Variants in CREB5 observed in about 807,000 individuals in gnomAD.
CREB5 encodes cyclic AMP-responsive element-binding protein 5.
In CREB5, 19 loss-of-function variants were observed where a neutral mutation model predicts 57.1. That is an observed-to-expected ratio of 0.33 (90% confidence interval 0.23 to 0.49). CREB5 has a LOEUF of 0.49. Among genes scored for constraint, CREB5 ranks in the 20% least tolerant of loss-of-function variants. The pLI is 0.99. For synonymous variants in CREB5, 238 were observed against 238.3 expected (o/e 1.00, Z 0.01); for missense variants, 579 against 671.6 (o/e 0.86, Z 1.52).
chr7:28,390,145 A>T (rs901105624), intron 1 of CREB5, among the ~76,000 whole-genome samples: 1 of 151,474 alleles, frequency 6.6e-6, no homozygotes, highest in African/African-American at 2.4e-5. Flanking sequence ...ACCATCGCTT[A>T]TTTGTCTTTT....
chr7:28,558,143 A>T (rs1355446948), intron 4 of CREB5, among the ~76,000 whole-genome samples: 1 of 152,224 alleles, frequency 6.6e-6, no homozygotes, highest in Non-Finnish European at 1.5e-5. Context: ...TTAAATTCAG[A>T]TGTCATAAAA....
At chr7:28,718,410 G>C (rs1802821726) in intron 5 of CREB5, among the ~76,000 whole-genome samples, 1 of 152,240 alleles carries the variant, frequency 6.6e-6, no homozygotes, top group African/African-American at 2.4e-5. Flanking sequence ...AGACACTTCA[G>C]AGGGCTGAGA....
At position 28,819,388 on chromosome 7, in the gene CREB5, C is replaced by A; in HGVS notation, c.*109C>A. On this transcript the variant is annotated 3_prime_UTR_variant, in exon 11 of 11. Coordinates refer to ENST00000357727, the MANE Select transcript of CREB5 (RefSeq NM_182898.4). ...AGACCTGGAAGACTCCTCAGTTCTT[C>A]AAAGACTGGCTTTCATTTTTATAGT... The A allele has an allele frequency of 9.5e-7, 1 of 1,050,596 alleles. No homozygotes were observed. Among genetic ancestry groups the A allele is most frequent in the South Asian group, 1.9e-5 (1 of 51,714 alleles). 65.1% of individuals were successfully genotyped at this position (1,050,596 alleles called of 1,614,324 possible).
chr7:28,638,996 C>T (rs990461477), intron 5 of CREB5, among the ~76,000 whole-genome samples: 1 of 152,124 alleles, frequency 6.6e-6, no homozygotes, highest in African/African-American at 2.4e-5. Flanking sequence ...AAATATTTGG[C>T]TACAATTTAA....
intron 7 of CREB5, among the ~76,000 whole-genome samples, chr7:28,770,001 T>C (rs1487647568): frequency 1.3e-5 from 2 of 152,242 alleles, no homozygotes; most frequent in Admixed American, 6.5e-5. Context: ...TGTACAACTG[T>C]GTCCAGAGTG....
chr7:28,416,042 C>T (rs1325544438), intron 1 of CREB5, among the ~76,000 whole-genome samples: 2 of 152,128 alleles, frequency 1.3e-5, no homozygotes, highest in Non-Finnish European at 2.9e-5. Context: ...GGCTCTAGAG[C>T]ACCACACATT....
chr7:28,566,426 A>ACATC (rs904319184), intron 4 of CREB5, among the ~76,000 whole-genome samples: 5 of 152,208 alleles, frequency 3.3e-5, no homozygotes, highest in African/African-American at 1.2e-4. Flanking sequence ...CTGCATATTG[A>ACATC]CATCCATCCA....
chr7:28,410,096 C>T (rs1235101893), upstream of CREB5: 4 of 396,472 alleles, frequency 1.0e-5, no homozygotes, highest in South Asian at 5.6e-5. Flanking sequence ...GGCTCGCTCT[C>T]CCCGGTGCGG....
chr7:28,650,597 C>T (rs565654167), intron 5 of CREB5, among the ~76,000 whole-genome samples: 10 of 152,034 alleles, frequency 6.6e-5, no homozygotes, highest in African/African-American at 2.2e-4. Flanking sequence ...TGCTTCCCCC[C>T]CCAACCTTCC....
At chr7:28,318,926 A>G (rs1785435189) in intron 1 of CREB5, among the ~76,000 whole-genome samples, 1 of 152,180 alleles carries the variant, frequency 6.6e-6, no homozygotes, top group Non-Finnish European at 1.5e-5. Flanking sequence ...CCTCCCAAAT[A>G]TCATCTACTC....
intron 1 of CREB5, among the ~76,000 whole-genome samples, chr7:28,448,135 G>A (rs539356348): frequency 1.5e-3 from 232 of 152,298 alleles, no homozygotes; most frequent in African/African-American, 5.2e-3. Flanking sequence ...GTGAAAAGGA[G>A]AGACTGGCCT....
intron 1 of CREB5, among the ~76,000 whole-genome samples, chr7:28,424,298 A>G (rs1788402535): frequency 6.6e-6 from 1 of 152,192 alleles, no homozygotes; most frequent in South Asian, 2.1e-4. Context: ...AATTCAAACC[A>G]CTACAGCAGG....
chr7:28,729,465 G>A (rs1024544444), intron 7 of CREB5, among the ~76,000 whole-genome samples: 10 of 152,248 alleles, frequency 6.6e-5, no homozygotes, highest in African/African-American at 9.6e-5. Context: ...TGTCAACCTG[G>A]GTGTGTTTGT....
At chr7:28,382,300 G>A (rs1339414144) in intron 1 of CREB5, among the ~76,000 whole-genome samples, 1 of 152,110 alleles carries the variant, frequency 6.6e-6, no homozygotes, top group Admixed American at 6.5e-5. Flanking sequence ...ATCTTTTCCA[G>A]AAACACCCTC....
chr7:28,690,709 G>A (rs1801205643), intron 5 of CREB5, among the ~76,000 whole-genome samples: 1 of 152,194 alleles, frequency 6.6e-6, no homozygotes, highest in South Asian at 2.1e-4. Context: ...AATCTTGGTG[G>A]TTTCTGTTGT....
Position 28,652,593 on chromosome 7 carries a change from T to C in CREB5, c.465-66160T>C, listed in dbSNP as rs1036520492. On this transcript the variant is annotated intron_variant, in intron 5 of 10. Coordinates refer to ENST00000357727, the MANE Select transcript of CREB5 (RefSeq NM_182898.4). ...CCCTCTACTTTCTTTGAGCCTTAGT[T>C]TCTCCTTCTATAAAATGGGATTAAA... Among the ~76,000 whole-genome samples the C allele has an allele frequency of 3.3e-5, 5 of 152,230 alleles. No homozygotes were observed. The South Asian group carries it at 6.2e-4, about 19-fold the overall frequency.
chr7:28,484,175 C>T (rs551613160), intron 1 of CREB5, among the ~76,000 whole-genome samples: 1 of 152,168 alleles, frequency 6.6e-6, no homozygotes, highest in Non-Finnish European at 1.5e-5. Flanking sequence ...GGGAGAACAG[C>T]CTCGTTCAAA....
intron 1 of CREB5, among the ~76,000 whole-genome samples, chr7:28,360,938 T>C (rs1049172420): frequency 6.6e-6 from 1 of 152,080 alleles, no homozygotes; most frequent in South Asian, 2.1e-4. Flanking sequence ...TCTACAGACA[T>C]TTTTAGTTGT....
intron 5 of CREB5, among the ~76,000 whole-genome samples, chr7:28,584,153 C>T (rs567173982): frequency 1.7e-4 from 26 of 152,188 alleles, no homozygotes; most frequent in Non-Finnish European, 2.5e-4. Flanking sequence ...GCCTCCTTCT[C>T]AGTGCCCAGC....
Sources: gnomAD v4.1 joint callset for allele counts (sites outside exome capture counted in the v4.1 genomes callset) on GRCh38, gnomAD v4.1.1 for gene constraint, MANE v1.5 for transcripts, NCBI Gene and HGNC (gene_info 2026-07-23, HGNC 2026-07-21) for gene names.